Variants in PPARGC1A observed in about 807,000 individuals in gnomAD.
PPARGC1A encodes peroxisome proliferator-activated receptor gamma coactivator 1-alpha.
A neutral mutation model predicts 88.7 loss-of-function variants in PPARGC1A; 25 were observed. The ratio of observed to expected loss-of-function variants is 0.28; its 90% CI spans 0.21 to 0.39. The LOEUF is 0.39. Among genes scored for constraint, PPARGC1A ranks in the 10% least tolerant of loss-of-function variants. The probability of loss-of-function intolerance (pLI) is 1.00; values close to 1 mark genes in which losing one functional copy is unlikely to be tolerated. For synonymous variants in PPARGC1A, 363 were observed against 355.6 expected, an observed-to-expected ratio of 1.02 and a Z score of -0.24; for missense variants, 880 against 968.7, an observed-to-expected ratio of 0.91 and a Z score of 1.22.
At chr4:24,441,138 C>T in the PPARGC1A span, among the ~76,000 whole-genome samples, 1 of 152,194 alleles carries the variant, frequency 6.6e-6, no homozygotes, top group South Asian at 2.1e-4. Flanking sequence ...TAGAGAGATA[C>T]TGTGGAATGG....
At chr4:24,337,486 G>A in the PPARGC1A span, among the ~76,000 whole-genome samples, 5,497 of 152,206 alleles carry the variant, frequency 0.036, 120 homozygotes, top group Admixed American at 0.054. Flanking sequence ...AATAAGTCTG[G>A]TGGGGCGACC....
chr4:24,011,577 G>C, the PPARGC1A span, among the ~76,000 whole-genome samples: 119,849 of 152,166 alleles, frequency 0.79, 47,998 homozygotes, highest in African/African-American at 0.91. Context: ...ACAGACTGCT[G>C]TCCTGTGTTC....
chr4:24,393,042 CA>C, the PPARGC1A span, among the ~76,000 whole-genome samples: 12,586 of 131,906 alleles, frequency 0.095, 637 homozygotes, highest in Middle Eastern at 0.18. Flanking sequence ...CACACACACA[CA>C]CACACCCCTT....
chr4:23,960,192 G>A, the PPARGC1A span, among the ~76,000 whole-genome samples: 22,290 of 151,968 alleles, frequency 0.15, 2,261 homozygotes, highest in Admixed American at 0.29. Context: ...CTTTTGTGTC[G>A]GGAATGTCTC....
chr4:24,034,965 A>G, the PPARGC1A span, among the ~76,000 whole-genome samples: 3 of 152,304 alleles, frequency 2.0e-5, no homozygotes, highest in Middle Eastern at 0.01. Flanking sequence ...GCATGTGGCC[A>G]ATTCTGCCCT....
chr4:23,903,591 G>A (rs1719678655), upstream of PPARGC1A, among the ~76,000 whole-genome samples: 1 of 152,052 alleles, frequency 6.6e-6, no homozygotes, highest in Non-Finnish European at 1.5e-5. Context: ...CAATACAGTG[G>A]TCCTCGCATT....
the PPARGC1A span, among the ~76,000 whole-genome samples, chr4:23,995,766 C>G: frequency 6.6e-6 from 1 of 152,090 alleles, no homozygotes; most frequent in Non-Finnish European, 1.5e-5. Context: ...CCCCATGAGC[C>G]CACCCTTTCC....
chr4:23,951,682 T>C, the PPARGC1A span, among the ~76,000 whole-genome samples: 1 of 152,156 alleles, frequency 6.6e-6, no homozygotes, highest in Non-Finnish European at 1.5e-5. Context: ...CTGAGTTAGA[T>C]GAAACATTCA....
chr4:23,971,346 C>T, the PPARGC1A span, among the ~76,000 whole-genome samples: 1 of 152,152 alleles, frequency 6.6e-6, no homozygotes, highest in East Asian at 1.9e-4. Flanking sequence ...TTGCCATTTA[C>T]TGAAGGTTGA....
chr4:24,399,089 G>A, the PPARGC1A span, among the ~76,000 whole-genome samples: 8 of 152,178 alleles, frequency 5.3e-5, no homozygotes, highest in African/African-American at 1.2e-4. Context: ...CCTGGTTTCC[G>A]GTCCCCAGTC....
chr4:23,874,881 CA>C (rs1714376336), intron 2 of PPARGC1A, among the ~76,000 whole-genome samples: 1 of 152,186 alleles, frequency 6.6e-6, no homozygotes, highest in African/African-American at 2.4e-5. Context: ...TCCACAAGGA[CA>C]AATTTGGAAG....
At chr4:24,318,150 A>T in the PPARGC1A span, among the ~76,000 whole-genome samples, 3 of 152,246 alleles carry the variant, frequency 2.0e-5, no homozygotes, top group African/African-American at 4.8e-5. Flanking sequence ...TGTCAAATGA[A>T]GTACAGTAAA....
chr4:24,141,292 C>T, the PPARGC1A span, among the ~76,000 whole-genome samples: 34 of 152,360 alleles, frequency 2.2e-4, no homozygotes, highest in Non-Finnish European at 4.1e-4. Context: ...TGACCAGTCC[C>T]CTGCCTACGC....
At chr4:24,430,451 C>T in the PPARGC1A span, among the ~76,000 whole-genome samples, 326 of 151,594 alleles carry the variant, frequency 2.2e-3, no homozygotes, top group Middle Eastern at 0.01. Flanking sequence ...TTAGTAGAGA[C>T]GGGGTTTCAC....
intron 2 of PPARGC1A, among the ~76,000 whole-genome samples, chr4:23,858,377 C>A (rs1366557446): frequency 6.6e-6 from 1 of 152,038 alleles, no homozygotes; most frequent in Non-Finnish European, 1.5e-5. Flanking sequence ...AATAAATAAC[C>A]CTGAGGCAGG....
intron 10 of PPARGC1A, among the ~76,000 whole-genome samples, chr4:23,806,822 T>A (rs1719895358): frequency 6.6e-6 from 1 of 152,156 alleles, no homozygotes; most frequent in African/African-American, 2.4e-5. Context: ...TTGTTTCTCA[T>A]CAAATAAACT....
At chr4:23,845,700 C>T (rs1728192849) in intron 2 of PPARGC1A, among the ~76,000 whole-genome samples, 1 of 152,132 alleles carries the variant, frequency 6.6e-6, no homozygotes, top group Admixed American at 6.6e-5. Context: ...TTTCGTATTC[C>T]ACTAAAGTGC....
intron 2 of PPARGC1A, among the ~76,000 whole-genome samples, chr4:23,856,347 A>C (rs908584353): frequency 6.6e-6 from 1 of 152,166 alleles, no homozygotes; most frequent in Non-Finnish European, 1.5e-5. Flanking sequence ...GTCATTGCAA[A>C]CACTGTTGAC....
At chr4:24,081,240 T>C in the PPARGC1A span, among the ~76,000 whole-genome samples, 1 of 152,122 alleles carries the variant, frequency 6.6e-6, no homozygotes, top group Admixed American at 6.5e-5. Flanking sequence ...CCAAAATTTC[T>C]CAAAAAGCAT....
Sources: gnomAD v4.1 joint callset for allele counts (sites outside exome capture counted in the v4.1 genomes callset) on GRCh38, gnomAD v4.1.1 for gene constraint, MANE v1.5 for transcripts, NCBI Gene and HGNC (gene_info 2026-07-23, HGNC 2026-07-21) for gene names.